CTNND2: variants seen among roughly 807,000 people sequenced by gnomAD.
The protein encoded by CTNND2 is catenin delta 2.
Under a neutral mutation model 144.4 loss-of-function variants are expected in CTNND2, and 22 were observed. The ratio of observed to expected loss-of-function variants is 0.15; its 90% CI spans 0.11 to 0.22. The LOEUF is 0.22. CTNND2 is among the 10% of genes least tolerant of loss of function. The pLI, the probability that CTNND2 is intolerant of heterozygous loss-of-function variation, is 1.00. For synonymous variants in CTNND2, 751 were observed against 695.6 expected (o/e 1.08, Z -1.25); for missense variants, 1,353 against 1,618.8 (o/e 0.84, Z 2.82).
chr5:11,811,221 GCT>G (rs1792315809), intron 1 of CTNND2, among the ~76,000 whole-genome samples: 1 of 152,112 alleles, frequency 6.6e-6, no homozygotes, highest in Non-Finnish European at 1.5e-5. Flanking sequence ...CAAAGACCAG[GCT>G]CTTTCTATAG....
chr5:11,167,851 C>T lies in CTNND2; in HGVS notation c.1976-8092G>A, dbSNP rs118168103. Among the ~76,000 whole-genome samples the T allele has an allele frequency of 3.3e-3, 504 of 150,714 alleles. 13 individuals are homozygous for T. The highest frequency in any genetic ancestry group is 0.025 in the Admixed American group (382 of 15,094). The stretch of plus-strand genomic sequence containing the variant: ...ACTTGAGTAGCTAGGACTTCATGCA[C>T]GTGCTACCATACCTGACTTTTTTTT... On this transcript the variant is annotated intron_variant, in intron 11 of 21. Coordinates refer to ENST00000304623, the MANE Select transcript of CTNND2 (RefSeq NM_001332.4).
intron 3 of CTNND2, among the ~76,000 whole-genome samples, chr5:11,502,272 A>G (rs1770600771): frequency 6.6e-6 from 1 of 152,168 alleles, no homozygotes; most frequent in Non-Finnish European, 1.5e-5. Flanking sequence ...TTATGCAACC[A>G]CTATGTGCTG....
At chr5:11,186,624 C>T (rs1735656061) in intron 11 of CTNND2, among the ~76,000 whole-genome samples, 2 of 152,196 alleles carry the variant, frequency 1.3e-5, no homozygotes, top group South Asian at 4.1e-4. Context: ...CTGCAGTCCA[C>T]TGTAATTGTT....
At chr5:11,581,611 C>T (rs1008836038) in intron 2 of CTNND2, among the ~76,000 whole-genome samples, 1 of 152,196 alleles carries the variant, frequency 6.6e-6, no homozygotes, top group South Asian at 2.1e-4. Flanking sequence ...TCCCTATCTG[C>T]AGAATCTCTG....
intron 17 of CTNND2, among the ~76,000 whole-genome samples, chr5:11,021,560 G>T (rs1407532333): frequency 6.6e-6 from 1 of 152,140 alleles, no homozygotes; most frequent in South Asian, 2.1e-4. Context: ...TCTCCACTGC[G>T]CAATTATTAT....
chr5:11,865,608 T>C (rs1483770425), intron 1 of CTNND2, among the ~76,000 whole-genome samples: 1 of 152,130 alleles, frequency 6.6e-6, no homozygotes, highest in African/African-American at 2.4e-5. Context: ...GCCAAATGCA[T>C]ACATGTTCTA....
chr5:11,452,001 G>A (rs1231205160), intron 3 of CTNND2, among the ~76,000 whole-genome samples: 2 of 152,174 alleles, frequency 1.3e-5, no homozygotes, highest in Non-Finnish European at 2.9e-5. Context: ...TACGTTGCAT[G>A]GTGATTACAA....
intron 15 of CTNND2, among the ~76,000 whole-genome samples, chr5:11,091,404 A>G (rs1750760238): frequency 6.6e-6 from 1 of 152,234 alleles, no homozygotes; most frequent in Non-Finnish European, 1.5e-5. Context: ...ATACTGTTAT[A>G]ATAATTGCTT....
intron 3 of CTNND2, among the ~76,000 whole-genome samples, chr5:11,544,028 T>C (rs1194194621): frequency 8.6e-5 from 13 of 151,878 alleles, no homozygotes. Flanking sequence ...AAACAATAAA[T>C]AGAAGAATCA....
chr5:11,842,446 G>A (rs1173906280), intron 1 of CTNND2, among the ~76,000 whole-genome samples: 1 of 152,124 alleles, frequency 6.6e-6, no homozygotes, highest in Admixed American at 6.5e-5. Context: ...TGGGCCGGGC[G>A]CAGTGGCTCA....
intron 2 of CTNND2, among the ~76,000 whole-genome samples, chr5:11,566,994 A>T (rs1777162873): frequency 6.6e-6 from 1 of 152,180 alleles, no homozygotes; most frequent in Admixed American, 6.5e-5. Flanking sequence ...GAAGTCTTCC[A>T]GCTTGACAGG....
In CTNND2 at chr5:11,553,365, A is replaced by G. The variant is rs370004473; in HGVS notation, c.287+11579T>C. ...CTCTGATACATCTTTTTAGCCCACA[A>G]TGAGAGGAACAATTTTATAATCTTC... is the stretch of plus-strand genomic sequence containing the variant. On this transcript the variant is annotated intron_variant, in intron 3 of 21. Coordinates refer to ENST00000304623, the MANE Select transcript of CTNND2 (RefSeq NM_001332.4). Among the ~76,000 whole-genome samples the G allele has an allele frequency of 3.7e-4, 57 of 152,324 alleles. No homozygotes were observed. In the East Asian group the frequency reaches 4.2e-3, roughly 11 times the overall value.
chr5:11,422,958 T>TGGG (rs1314351433), intron 3 of CTNND2, among the ~76,000 whole-genome samples: 1 of 152,202 alleles, frequency 6.6e-6, no homozygotes, highest in Non-Finnish European at 1.5e-5. Context: ...TTCTCATGCA[T>TGGG]GGGGCTAGGT....
Position 11,641,878 on chromosome 5 carries a change from AC to A in CTNND2, c.175-76823del, listed in dbSNP as rs565527044. 3.3e-5 allele frequency among the ~76,000 whole-genome samples: 5 copies of A among 151,766 alleles called. No individual in the cohort carries two copies. In the East Asian group the frequency reaches 9.8e-4, roughly 30 times the overall value. Reference sequence around the variant, plus strand: ...TATACATATATATTTTGCCACACTCACAAGGTTATTAAAAGGATTCTTTAGG... The same window carrying A: ...TATACATATATATTTTGCCACACTCAAAGGTTATTAAAAGGATTCTTTAGG... On this transcript the variant is annotated intron_variant, in intron 2 of 21. Coordinates refer to ENST00000304623, the MANE Select transcript of CTNND2 (RefSeq NM_001332.4).
intron 15 of CTNND2, among the ~76,000 whole-genome samples, chr5:11,087,417 A>G (rs1750286175): frequency 6.6e-6 from 1 of 152,206 alleles, no homozygotes. Flanking sequence ...AGAATGGATT[A>G]TTATTTGAAT....
At chr5:11,732,350 T>C in intron 1 of CTNND2, 78 bp from the exon 2 acceptor site, 3 of 1,415,312 alleles carry the variant, frequency 2.1e-6, no homozygotes, top group Non-Finnish European at 1.9e-6. Context: ...ACTTTGAAGA[T>C]ACACACAGAA....
intron 14 of CTNND2, among the ~76,000 whole-genome samples, chr5:11,106,288 T>C (rs964713408): frequency 1.3e-5 from 2 of 152,220 alleles, no homozygotes; most frequent in African/African-American, 4.8e-5. Context: ...TAGTACAAAC[T>C]TGGAAGCAAC....
chr5:11,043,086 T>A (rs900140189), intron 16 of CTNND2, among the ~76,000 whole-genome samples: 5 of 143,132 alleles, frequency 3.5e-5, no homozygotes, highest in Non-Finnish European at 6.4e-5. Flanking sequence ...GGTCAGAGCT[T>A]ATTTTTTTTT....
At chr5:11,110,625 C>CT (rs1354925439) in intron 14 of CTNND2, among the ~76,000 whole-genome samples, 8 of 152,042 alleles carry the variant, frequency 5.3e-5, no homozygotes, top group African/African-American at 7.2e-5. Flanking sequence ...CCTCAGGTGT[C>CT]TTTTTTTCTT....
Sources: gnomAD v4.1 joint callset for allele counts (sites outside exome capture counted in the v4.1 genomes callset) on GRCh38, gnomAD v4.1.1 for gene constraint, MANE v1.5 for transcripts, NCBI Gene and HGNC (gene_info 2026-07-23, HGNC 2026-07-21) for gene names.